The following CNTNAP2 variants were observed in gnomAD, a reference collection of about 807,000 sequenced individuals.
CNTNAP2 encodes contactin-associated protein-like 2.
In CNTNAP2, 98 loss-of-function variants were observed where a neutral mutation model predicts 155.2. That is an observed-to-expected ratio of 0.63 (90% confidence interval 0.54 to 0.75). CNTNAP2 has a LOEUF of 0.75. Ranked by LOEUF, CNTNAP2 falls within the 30% of genes least tolerant of loss-of-function variation. The probability of loss-of-function intolerance (pLI) is 0.00; values close to 1 mark genes in which losing one functional copy is unlikely to be tolerated. For synonymous variants in CNTNAP2, 651 were observed against 631.2 expected, an observed-to-expected ratio of 1.03 and a Z score of -0.47; for missense variants, 1,727 against 1,688.1, an observed-to-expected ratio of 1.02 and a Z score of -0.40.
intron 3 of CNTNAP2, among the ~76,000 whole-genome samples, chr7:147,019,872 T>C (rs1215313257): frequency 1.3e-5 from 2 of 152,086 alleles, no homozygotes; most frequent in Non-Finnish European, 2.9e-5. Flanking sequence ...ATAGAGGTCA[T>C]CAATGATACA....
intron 1 of CNTNAP2, among the ~76,000 whole-genome samples, chr7:146,690,701 A>G (rs1417692738): frequency 6.6e-6 from 1 of 152,126 alleles, no homozygotes; most frequent in East Asian, 1.9e-4. Flanking sequence ...AATATTTCCT[A>G]TGTTTTTATG....
At chr7:148,377,337 G>A (rs1474999730) in intron 21 of CNTNAP2, among the ~76,000 whole-genome samples, 1 of 67,746 alleles carries the variant, frequency 1.5e-5, no homozygotes, top group African/African-American at 3.6e-5. Flanking sequence ...ACAAGGTACC[G>A]TCGAACCACT....
chr7:146,857,927 A>T (rs938569059), intron 3 of CNTNAP2, among the ~76,000 whole-genome samples: 1 of 151,134 alleles, frequency 6.6e-6, no homozygotes, highest in Admixed American at 6.6e-5. Flanking sequence ...ATTTCCTGAA[A>T]GTCAATAAAA....
intron 13 of CNTNAP2, among the ~76,000 whole-genome samples, chr7:147,817,624 G>A (rs1038904473): frequency 6.6e-6 from 1 of 152,038 alleles, no homozygotes; most frequent in Non-Finnish European, 1.5e-5. Context: ...AGCAAAGAAG[G>A]CCGGGCGTGG....
At position 146,280,088 on chromosome 7, in the gene CNTNAP2, G is replaced by A. The variant is rs149916950; in HGVS notation, c.97+163115G>A. ...ACGGTAGGATTTTTACTGTGTGTGCGTGTCGATGTGTGTGTGAATGTTTGT... is the reference window on the plus strand; with the variant it reads ...ACGGTAGGATTTTTACTGTGTGTGCATGTCGATGTGTGTGTGAATGTTTGT... On this transcript the variant is annotated intron_variant, in intron 1 of 23. Transcript: ENST00000361727. Among the ~76,000 whole-genome samples, 134 of 152,200 alleles carry A rather than the reference G, an allele frequency of 8.8e-4. 2 individuals carry two copies. Among genetic ancestry groups the A allele is most frequent in the South Asian group, 5.2e-3 (25 of 4,826 alleles).
intron 10 of CNTNAP2, among the ~76,000 whole-genome samples, chr7:147,411,400 T>G (rs1202887137): frequency 1.3e-5 from 2 of 152,194 alleles, no homozygotes; most frequent in Non-Finnish European, 2.9e-5. Context: ...AAAGTTTGGG[T>G]CTCAGTAAGA....
At chr7:147,347,441 CATAT>C (rs375359219) in intron 9 of CNTNAP2, among the ~76,000 whole-genome samples, 1 of 56,558 alleles carries the variant, frequency 1.8e-5, no homozygotes, top group Admixed American at 1.9e-4. Flanking sequence ...TATATATATG[CATAT>C]ATATATATAT....
intron 3 of CNTNAP2, among the ~76,000 whole-genome samples, chr7:146,954,092 G>C (rs567096689): frequency 6.6e-6 from 1 of 151,846 alleles, no homozygotes; most frequent in Admixed American, 6.6e-5. Flanking sequence ...ACTCCATATA[G>C]GAAGAGGCTT....
intron 1 of CNTNAP2, among the ~76,000 whole-genome samples, chr7:146,413,735 A>G (rs1795898705): frequency 6.6e-6 from 1 of 152,188 alleles, no homozygotes; most frequent in Non-Finnish European, 1.5e-5. Context: ...TCAACTACTC[A>G]AATGAATTAC....
intron 1 of CNTNAP2, among the ~76,000 whole-genome samples, chr7:146,408,883 C>A (rs900206178): frequency 1.3e-5 from 2 of 151,814 alleles, no homozygotes; most frequent in African/African-American, 4.8e-5. Flanking sequence ...AGAGAGGGTC[C>A]TTGCACTCAT....
intron 1 of CNTNAP2, among the ~76,000 whole-genome samples, chr7:146,654,727 T>C (rs1799967615): frequency 1.3e-5 from 2 of 152,120 alleles, no homozygotes; most frequent in Non-Finnish European, 2.9e-5. Flanking sequence ...TTATAAGAAA[T>C]AATGTCTTTG....
At chr7:146,217,915 G>A (rs1450001399) in intron 1 of CNTNAP2, among the ~76,000 whole-genome samples, 1 of 152,060 alleles carries the variant, frequency 6.6e-6, no homozygotes. Flanking sequence ...CTTAATATAT[G>A]GGTGATGACA....
At chr7:147,380,980 T>G (rs559249419) in intron 9 of CNTNAP2, among the ~76,000 whole-genome samples, 41 of 149,224 alleles carry the variant, frequency 2.7e-4, no homozygotes, top group African/African-American at 8.8e-4. Context: ...ATTTTCTGGG[T>G]TTTTTTTTGT....
intron 17 of CNTNAP2, among the ~76,000 whole-genome samples, chr7:148,168,335 G>A (rs920546907): frequency 6.6e-6 from 1 of 151,994 alleles, no homozygotes; most frequent in African/African-American, 2.4e-5. Flanking sequence ...ATGATAGACT[G>A]GATTAAGAAA....
chr7:146,394,746 ATTTCTT>A (rs1460986285), intron 1 of CNTNAP2, among the ~76,000 whole-genome samples: 1 of 151,968 alleles, frequency 6.6e-6, no homozygotes, highest in Non-Finnish European at 1.5e-5. Flanking sequence ...ATGATGTCTG[ATTTCTT>A]TTTCTTTTTA....
intron 13 of CNTNAP2, among the ~76,000 whole-genome samples, chr7:147,679,903 G>A (rs1489571149): frequency 6.6e-6 from 1 of 151,472 alleles, no homozygotes; most frequent in East Asian, 1.9e-4. Context: ...ATCAACCAAA[G>A]TAAATGTTTA....
At chr7:146,862,654 G>T (rs1269799941) in intron 3 of CNTNAP2, among the ~76,000 whole-genome samples, 1 of 152,160 alleles carries the variant, frequency 6.6e-6, no homozygotes, top group African/African-American at 2.4e-5. Flanking sequence ...AACTCTCAAA[G>T]GTTAGAGCAG....
At chr7:147,342,213 A>G (rs116455866) in intron 9 of CNTNAP2, among the ~76,000 whole-genome samples, 1 of 152,148 alleles carries the variant, frequency 6.6e-6, no homozygotes, top group Non-Finnish European at 1.5e-5. Context: ...GGATTTCAAC[A>G]TATGAATTCA....
chr7:146,953,445 C>T (rs1230704797), intron 3 of CNTNAP2, among the ~76,000 whole-genome samples: 3 of 151,866 alleles, frequency 2.0e-5, no homozygotes, highest in African/African-American at 4.8e-5. Context: ...GATGACATCT[C>T]GTTTTACATA....
Sources: allele counts gnomAD v4.1 joint callset (sites outside exome capture counted in the v4.1 genomes callset), GRCh38; gene constraint gnomAD v4.1.1; transcripts MANE v1.5; gene names NCBI Gene and HGNC (gene_info 2026-07-23, HGNC 2026-07-21).